CLASP1: variants seen among roughly 807,000 people sequenced by gnomAD.
The protein encoded by CLASP1 is CLIP-associating protein 1.
CLASP1 carries 38 observed loss-of-function variants against 192.3 expected under a neutral mutation model. That is an observed-to-expected ratio of 0.20 (90% CI 0.15 to 0.26). The LOEUF (loss-of-function observed/expected upper bound fraction) is 0.26. CLASP1 is among the 10% of genes least tolerant of loss of function. The pLI is 1.00. For synonymous variants in CLASP1, 691 were observed against 712.8 expected, an observed-to-expected ratio of 0.97 and a Z score of 0.49; for missense variants, 1,433 against 1,932.5, an observed-to-expected ratio of 0.74 and a Z score of 4.85.
At chr2:121,568,452 G>A (rs1486538970) in intron 2 of CLASP1, among the ~76,000 whole-genome samples, 1 of 151,672 alleles carries the variant, frequency 6.6e-6, no homozygotes, top group African/African-American at 2.4e-5. Context: ...TATTCTAGAC[G>A]AGCAAAAGAA....
intron 14 of CLASP1, among the ~76,000 whole-genome samples, chr2:121,454,526 T>G (rs953251393): frequency 1.3e-5 from 2 of 152,132 alleles, no homozygotes; most frequent in African/African-American, 4.8e-5. Context: ...TAAAATACAC[T>G]AACACTAATG....
At chr2:121,483,832 A>G (rs2150102385) in intron 8 of CLASP1, among the ~76,000 whole-genome samples, 1 of 152,256 alleles carries the variant, frequency 6.6e-6, no homozygotes, top group East Asian at 1.9e-4. Flanking sequence ...ATTATAAAGA[A>G]TTAACATAAA....
At chr2:121,417,153 TA>T (rs1313029418) in intron 23 of CLASP1, among the ~76,000 whole-genome samples, 10 of 152,190 alleles carry the variant, frequency 6.6e-5, no homozygotes, top group Admixed American at 2.0e-4. Flanking sequence ...CAGATCCATT[TA>T]ATCAAACAAT....
At chr2:121,378,853 C>T (rs1046542288) in intron 33 of CLASP1, among the ~76,000 whole-genome samples, 6 of 151,524 alleles carry the variant, frequency 4.0e-5, no homozygotes, top group South Asian at 2.1e-4. Context: ...ACTGAAGAAA[C>T]GAAGTATCCT....
At chr2:121,339,400 A>G (rs1266683152) in exon 40 of CLASP1, 1 of 152,250 alleles carries the variant, frequency 6.6e-6, no homozygotes, top group African/African-American at 2.4e-5. Flanking sequence ...CGTTATTAGA[A>G]TTAATCTCAA....
chr2:121,446,568 G>T (rs1004910351), intron 19 of CLASP1, among the ~76,000 whole-genome samples: 8 of 152,150 alleles, frequency 5.3e-5, no homozygotes, highest in African/African-American at 1.9e-4. Context: ...AACCAATCCA[G>T]CTAAGTCCCT....
At chr2:121,361,371 G>A (rs2066371715) in intron 37 of CLASP1, among the ~76,000 whole-genome samples, 1 of 152,162 alleles carries the variant, frequency 6.6e-6, no homozygotes, top group Non-Finnish European at 1.5e-5. Flanking sequence ...TTCATTTTTT[G>A]ATCACGTATT....
intron 1 of CLASP1, among the ~76,000 whole-genome samples, chr2:121,611,000 A>T (rs1360761466): frequency 2.2e-5 from 3 of 136,620 alleles, no homozygotes; most frequent in East Asian, 2.3e-4. Flanking sequence ...GAGGAGGAGG[A>T]GTTGGAGGAG....
At chr2:121,491,705 C>G (rs2093315464) in intron 8 of CLASP1, among the ~76,000 whole-genome samples, 2 of 152,202 alleles carry the variant, frequency 1.3e-5, no homozygotes, top group Admixed American at 1.3e-4. Flanking sequence ...TCTCACCATT[C>G]AAAGCCGAAA....
intron 38 of CLASP1, among the ~76,000 whole-genome samples, chr2:121,348,288 C>G (rs568550602): frequency 2.0e-5 from 3 of 152,312 alleles, no homozygotes; most frequent in African/African-American, 7.2e-5. Context: ...AAAGTTCATT[C>G]TGTGAGCTGC....
At chr2:121,531,014 A>G (rs901079341) in intron 2 of CLASP1, 11 of 699,990 alleles carry the variant, frequency 1.6e-5, no homozygotes, top group Non-Finnish European at 2.3e-5. Context: ...AAAAATGAAA[A>G]CCTGTTTTCA....
intron 2 of CLASP1, among the ~76,000 whole-genome samples, chr2:121,579,574 A>G (rs1559668523): frequency 6.6e-6 from 1 of 152,220 alleles, no homozygotes; most frequent in Non-Finnish European, 1.5e-5. Context: ...AAGATGCAAG[A>G]CATTCATTCT....
At chr2:121,516,648 C>A (rs1052122428) in intron 6 of CLASP1, among the ~76,000 whole-genome samples, 3 of 152,100 alleles carry the variant, frequency 2.0e-5, no homozygotes, top group African/African-American at 7.2e-5. Flanking sequence ...TGTTAAATTT[C>A]CAGGGTGAGA....
intron 39 of CLASP1, among the ~76,000 whole-genome samples, chr2:121,342,203 C>A (rs904681460): frequency 2.0e-5 from 3 of 151,892 alleles, no homozygotes; most frequent in Admixed American, 1.3e-4. Context: ...CTCACTGCAG[C>A]CTTGACCTTC....
At chr2:121,631,910 GGTGGC>G (rs2069739497) in intron 1 of CLASP1, among the ~76,000 whole-genome samples, 1 of 152,132 alleles carries the variant, frequency 6.6e-6, no homozygotes, top group South Asian at 2.1e-4. Flanking sequence ...AGCTGGGCGT[GGTGGC>G]GTGCCCATGT....
intron 32 of CLASP1, among the ~76,000 whole-genome samples, chr2:121,383,332 T>C (rs1376939912): frequency 1.3e-5 from 2 of 152,294 alleles, no homozygotes; most frequent in African/African-American, 2.4e-5. Context: ...AAATAAGGCA[T>C]TGAGATGCAA....
intron 30 of CLASP1, among the ~76,000 whole-genome samples, chr2:121,392,303 C>T (rs943895710): frequency 2.0e-5 from 3 of 152,152 alleles, no homozygotes; most frequent in Non-Finnish European, 4.4e-5. Flanking sequence ...ACCTGGCTTC[C>T]TAAATCTTAG....
At position 121,355,741 on chromosome 2, in the gene CLASP1, C is replaced by T. The variant is rs943588780; in HGVS notation, c.4207-7023G>A. 3.9e-5 allele frequency among the ~76,000 whole-genome samples: 6 copies of T among 152,140 alleles called. No individual in the cohort carries two copies. The South Asian group carries it at 1.0e-3, about 26-fold the overall frequency. On this transcript the variant is annotated intron_variant, in intron 37 of 39. Coordinates refer to ENST00000263710, the Ensembl canonical transcript of CLASP1. ...AGAGAGCAAAAGTCAACATGGGCAG[C>T]AGAAACAAAGGAAGACAACACCACT...
At chr2:121,558,163 T>C (rs1035816425) in intron 2 of CLASP1, among the ~76,000 whole-genome samples, 6 of 152,142 alleles carry the variant, frequency 3.9e-5, no homozygotes, top group Non-Finnish European at 7.3e-5. Flanking sequence ...AATTTAGTTA[T>C]AAAGCATATG....
Sources: gnomAD v4.1 joint callset for allele counts (sites outside exome capture counted in the v4.1 genomes callset) on GRCh38, gnomAD v4.1.1 for gene constraint, MANE v1.5 for transcripts, NCBI Gene and HGNC (gene_info 2026-07-23, HGNC 2026-07-21) for gene names.